KANSL1L: variants seen among roughly 807,000 people sequenced by gnomAD.
KANSL1L encodes KAT8 regulatory NSL complex subunit 1-like protein.
In KANSL1L, 25 loss-of-function variants were observed where a neutral mutation model predicts 108.6. That is an observed-to-expected ratio of 0.23 (90% CI 0.17 to 0.32). KANSL1L has a LOEUF of 0.32. Ranked by LOEUF, KANSL1L falls within the 10% of genes least tolerant of loss-of-function variation. The pLI is 1.00. For synonymous variants in KANSL1L, 405 were observed against 395.1 expected (o/e 1.03, Z -0.30); for missense variants, 1,137 against 1,125.7 (o/e 1.01, Z -0.14).
intron 2 of KANSL1L, among the ~76,000 whole-genome samples, chr2:210,135,945 A>G (rs1476859609): frequency 1.3e-5 from 2 of 152,180 alleles, no homozygotes; most frequent in East Asian, 3.9e-4. Flanking sequence ...CACACACAAT[A>G]TAGACACATA....
chr2:210,056,443 T>C (rs972037120), intron 6 of KANSL1L, among the ~76,000 whole-genome samples: 1 of 152,184 alleles, frequency 6.6e-6, no homozygotes, highest in Non-Finnish European at 1.5e-5. Context: ...ATCATCAACG[T>C]CATTCACATT....
chr2:210,069,276 G>C (rs914806855), intron 6 of KANSL1L, among the ~76,000 whole-genome samples: 3 of 152,098 alleles, frequency 2.0e-5, no homozygotes, highest in Admixed American at 6.6e-5. Context: ...TTCACTGAAG[G>C]CACCTTTAAC....
chr2:210,059,777 T>G (rs1355383163), intron 6 of KANSL1L, among the ~76,000 whole-genome samples: 2 of 152,176 alleles, frequency 1.3e-5, no homozygotes, highest in Non-Finnish European at 2.9e-5. Context: ...AAGTAACTTT[T>G]TTTTTTTTTG....
intron 3 of KANSL1L, among the ~76,000 whole-genome samples, chr2:210,124,232 T>A (rs1226969383): frequency 6.6e-6 from 1 of 152,128 alleles, no homozygotes; most frequent in Non-Finnish European, 1.5e-5. Context: ...ATGGAGCATT[T>A]TCCCAGATGG....
chr2:210,043,273 C>G (rs2094187456), intron 7 of KANSL1L, among the ~76,000 whole-genome samples: 1 of 151,922 alleles, frequency 6.6e-6, no homozygotes, highest in Non-Finnish European at 1.5e-5. Flanking sequence ...CAAGTAGTTC[C>G]AGCTACTTGG....
At chr2:210,171,995 T>TA (rs71043977), upstream of KANSL1L, among the ~76,000 whole-genome samples, 140,311 of 145,754 alleles carry the variant, frequency 0.96, 67,641 homozygotes, top group Non-Finnish European at 0.99. Flanking sequence ...GTTTTATGAT[T>TA]AAAAAAAAAA....
rs749228594 is a variant in KANSL1L at position 210,104,336 on chromosome 2, A to T, written c.1231-35T>A. ...AAACAATGAGAAAGTTGAAATGAAA[A>T]CAAACTTATTATTAAGCCACCTTTA... On this transcript the variant is annotated intron_variant, in intron 3 of 14. Transcript: ENST00000281772. The T allele has an allele frequency of 7.8e-6, 12 of 1,531,196 alleles. 1 individual carries two copies. In the South Asian group the frequency reaches 1.2e-4, roughly 16 times the overall value. 94.9% of individuals were successfully genotyped at this position (1,531,196 alleles called of 1,614,324 possible).
chr2:210,121,113 T>C (rs1575571919), intron 3 of KANSL1L, among the ~76,000 whole-genome samples: 1 of 152,066 alleles, frequency 6.6e-6, no homozygotes, highest in Admixed American at 6.6e-5. Context: ...TAAAGACAGA[T>C]ATACCATTTG....
At chr2:210,062,289 G>A (rs910469131) in intron 6 of KANSL1L, among the ~76,000 whole-genome samples, 12 of 152,170 alleles carry the variant, frequency 7.9e-5, no homozygotes, top group African/African-American at 1.4e-4. Context: ...CACCTTGTGC[G>A]GTGATTGTGA....
intron 1 of KANSL1L, among the ~76,000 whole-genome samples, chr2:210,155,952 C>A (rs2095330852): frequency 6.6e-6 from 1 of 151,848 alleles, no homozygotes; most frequent in East Asian, 1.9e-4. Flanking sequence ...TTTACAAAGT[C>A]CAACAAAAAT....
chr2:210,022,356 G>A lies in KANSL1L; in HGVS notation c.*593C>T, dbSNP rs1356650033. 6.6e-6 allele frequency: 1 copy of A among 152,498 alleles called. No homozygotes were observed. Among genetic ancestry groups the A allele is most frequent in the Non-Finnish European group, 1.5e-5 (1 of 68,026 alleles). The allele number at this position is 152,498 out of a possible 1,614,324, so 9.4% of individuals were successfully genotyped here. A position where few individuals can be genotyped will look rare whatever the true frequency, so the allele number is the denominator to read the frequency against. ...TCTGTCTCTATATTCAGGACGTTCA[G>A]ATGTCTTTTATTAGTGGAAACCTGT... On this transcript the variant is annotated 3_prime_UTR_variant, in exon 15 of 15. Transcript: ENST00000281772.
intron 6 of KANSL1L, among the ~76,000 whole-genome samples, chr2:210,046,666 G>A (rs1182536902): frequency 2.0e-5 from 3 of 152,082 alleles, no homozygotes; most frequent in African/African-American, 7.2e-5. Flanking sequence ...ACAGCTATTG[G>A]CTGCAGTCCC....
At chr2:210,055,424 C>A (rs912056865) in intron 6 of KANSL1L, among the ~76,000 whole-genome samples, 7 of 152,130 alleles carry the variant, frequency 4.6e-5, no homozygotes, top group Non-Finnish European at 1.0e-4. Flanking sequence ...GACTTTGGAA[C>A]TGGGTAACAG....
At chr2:210,140,966 T>C (rs1279004539) in intron 2 of KANSL1L, among the ~76,000 whole-genome samples, 1 of 152,176 alleles carries the variant, frequency 6.6e-6, no homozygotes, top group Non-Finnish European at 1.5e-5. Flanking sequence ...AGATTGATTT[T>C]ATATCCTGAA....
At chr2:210,160,632 A>T (rs145968113) in intron 1 of KANSL1L, among the ~76,000 whole-genome samples, 224 of 152,356 alleles carry the variant, frequency 1.5e-3, no homozygotes, top group Middle Eastern at 0.01. Context: ...TGGTCTTTAT[A>T]CTGAAAAATA....
At chr2:210,035,639 C>A (rs953647847) in intron 8 of KANSL1L, among the ~76,000 whole-genome samples, 2 of 152,092 alleles carry the variant, frequency 1.3e-5, no homozygotes, top group African/African-American at 4.8e-5. Context: ...CCACCACCCT[C>A]AGCTAGCCTT....
At chr2:210,061,960 G>A (rs1156777485) in intron 6 of KANSL1L, among the ~76,000 whole-genome samples, 2 of 152,186 alleles carry the variant, frequency 1.3e-5, no homozygotes, top group Non-Finnish European at 2.9e-5. Context: ...CATTTAAATA[G>A]TGCTAAATAT....
chr2:210,042,169 C>T (rs374103873), intron 7 of KANSL1L, among the ~76,000 whole-genome samples: 2 of 152,288 alleles, frequency 1.3e-5, no homozygotes, highest in East Asian at 3.9e-4. Flanking sequence ...TTTCTTAATA[C>T]CCGCACGTGA....
At chr2:210,103,308 C>T (rs1002368313) in intron 4 of KANSL1L, among the ~76,000 whole-genome samples, 6 of 126,854 alleles carry the variant, frequency 4.7e-5, no homozygotes, top group African/African-American at 8.8e-5. Flanking sequence ...CATCACACAC[C>T]GGGGCCTGTC....
Sources: gnomAD v4.1 joint callset for allele counts (sites outside exome capture counted in the v4.1 genomes callset) on GRCh38, gnomAD v4.1.1 for gene constraint, MANE v1.5 for transcripts, NCBI Gene and HGNC (gene_info 2026-07-23, HGNC 2026-07-21) for gene names.